The following ANKS1B variants were observed in gnomAD, a reference collection of about 807,000 sequenced individuals.
The protein encoded by ANKS1B is ankyrin repeat and sterile alpha motif domain-containing protein 1B.
Under a neutral mutation model 148.3 loss-of-function variants are expected in ANKS1B, and 36 were observed. The ratio of observed to expected loss-of-function variants is 0.24; its 90% confidence interval spans 0.19 to 0.32. The LOEUF (loss-of-function observed/expected upper bound fraction) is 0.32. Among genes scored for constraint, ANKS1B ranks in the 10% least tolerant of loss-of-function variants. The pLI is 1.00. For synonymous variants in ANKS1B, 542 were observed against 560.8 expected (o/e 0.97, Z 0.47); for missense variants, 1,157 against 1,542.6 (o/e 0.75, Z 4.19).
chr12:99,766,358 G>A (rs1190215076), intron 8 of ANKS1B, among the ~76,000 whole-genome samples: 1 of 152,080 alleles, frequency 6.6e-6, no homozygotes, highest in Non-Finnish European at 1.5e-5. Context: ...AAAAGCAAGT[G>A]TGCTAGAAGT....
At chr12:99,578,997 A>T (rs1287183791) in intron 9 of ANKS1B, among the ~76,000 whole-genome samples, 1 of 152,172 alleles carries the variant, frequency 6.6e-6, no homozygotes, top group African/African-American at 2.4e-5. Flanking sequence ...GTTCAAAAAC[A>T]TATACACAGA....
chr12:99,496,475 T>G (rs1222889063), intron 10 of ANKS1B, among the ~76,000 whole-genome samples: 1 of 152,222 alleles, frequency 6.6e-6, no homozygotes. Flanking sequence ...GATTCAATAG[T>G]GGTCGCATAA....
chr12:99,353,879 T>C (rs1246632760), intron 12 of ANKS1B, among the ~76,000 whole-genome samples: 1 of 152,042 alleles, frequency 6.6e-6, no homozygotes, highest in African/African-American at 2.4e-5. Context: ...CCTATCACTT[T>C]GAGCATTTAT....
intron 17 of ANKS1B, among the ~76,000 whole-genome samples, chr12:98,962,090 T>C (rs983791949): frequency 2.6e-5 from 4 of 151,132 alleles, no homozygotes; most frequent in Non-Finnish European, 4.4e-5. Context: ...GTAATAACAT[T>C]GAATGTAAAT....
intron 17 of ANKS1B, among the ~76,000 whole-genome samples, chr12:98,971,652 G>C (rs890181422): frequency 1.3e-5 from 2 of 152,144 alleles, no homozygotes; most frequent in Non-Finnish European, 2.9e-5. Context: ...ATACTTTGTA[G>C]ACAGAGGTGG....
intron 19 of ANKS1B, among the ~76,000 whole-genome samples, chr12:98,810,436 A>G (rs2099085854): frequency 6.6e-6 from 1 of 152,190 alleles, no homozygotes; most frequent in Non-Finnish European, 1.5e-5. Context: ...TGTTTAGCTA[A>G]TCTGTTCAGC....
chr12:99,208,916 C>A, intron 14 of ANKS1B, among the ~76,000 whole-genome samples: 1 of 152,086 alleles, frequency 6.6e-6, no homozygotes, highest in Non-Finnish European at 1.5e-5. Context: ...TTTACTTTTT[C>A]CTCTCTATTT....
At chr12:99,120,082 C>G (rs2062375807) in intron 15 of ANKS1B, among the ~76,000 whole-genome samples, 1 of 152,222 alleles carries the variant, frequency 6.6e-6, no homozygotes, top group African/African-American at 2.4e-5. Context: ...CAGGTGGGAA[C>G]GCACCCTGGA....
intron 17 of ANKS1B, among the ~76,000 whole-genome samples, chr12:99,052,644 C>T (rs1361624780): frequency 1.4e-5 from 2 of 144,238 alleles, no homozygotes; most frequent in Admixed American, 6.9e-5. Context: ...AGGAGAATGG[C>T]GTGAACCCGG....
At position 99,927,948 on chromosome 12, in the gene ANKS1B, T is replaced by C. The variant is rs1052789040; in HGVS notation, c.134+56156A>G. On this transcript the variant is annotated intron_variant, in intron 1 of 26. Coordinates refer to ENST00000683438, the MANE Select transcript of ANKS1B (RefSeq NM_001352186.2). ...TTTAAGGAAAACCATACAAATTTAC[T>C]AAATGAGGTTATCATTACCAAATAT... Among the ~76,000 whole-genome samples, 15 of 152,338 alleles carry C rather than the reference T, an allele frequency of 9.8e-5. 1 individual carries two copies. The highest frequency in any genetic ancestry group is 3.6e-4 in the African/African-American group (15 of 41,580).
chr12:98,957,450 C>T (rs1262565780), intron 17 of ANKS1B, among the ~76,000 whole-genome samples: 2 of 151,936 alleles, frequency 1.3e-5, no homozygotes, highest in African/African-American at 4.8e-5. Flanking sequence ...TGGGTTCACG[C>T]CATGCTCCTG....
chr12:99,147,326 G>C (rs2073473869), intron 15 of ANKS1B, among the ~76,000 whole-genome samples: 1 of 152,134 alleles, frequency 6.6e-6, no homozygotes, highest in East Asian at 1.9e-4. Context: ...AGAGACAGTA[G>C]CATGTGCAAA....
chr12:98,894,966 C>G, intron 17 of ANKS1B: 1 of 834,318 alleles, frequency 1.2e-6, no homozygotes, highest in Non-Finnish European at 1.4e-6. Flanking sequence ...CCCGGCTCCA[C>G]GCGGCGCGCG....
At chr12:99,648,300 T>A in intron 9 of ANKS1B, 1 of 1,614,196 alleles carries the variant, frequency 6.2e-7, no homozygotes, top group Non-Finnish European at 8.5e-7. Context: ...TATTCAGGTA[T>A]GCACCCATGT....
intron 16 of ANKS1B, among the ~76,000 whole-genome samples, chr12:99,068,433 T>A (rs2045198466): frequency 6.6e-6 from 1 of 152,148 alleles, no homozygotes; most frequent in African/African-American, 2.4e-5. Flanking sequence ...GTGATGGAAA[T>A]TTTTCAGCTC....
At chr12:99,622,185 T>G (rs1001269092) in intron 9 of ANKS1B, among the ~76,000 whole-genome samples, 36 of 152,002 alleles carry the variant, frequency 2.4e-4, no homozygotes, top group Admixed American at 2.0e-3. Context: ...AATCAAAAAA[T>G]TTTCCTGAAA....
intron 9 of ANKS1B, among the ~76,000 whole-genome samples, chr12:99,547,803 C>A (rs958273804): frequency 6.6e-6 from 1 of 152,066 alleles, no homozygotes; most frequent in African/African-American, 2.4e-5. Flanking sequence ...GTTTTATTTT[C>A]TTTTTCACAT....
At chr12:99,288,561 G>C (rs910293691) in intron 12 of ANKS1B, among the ~76,000 whole-genome samples, 5 of 152,094 alleles carry the variant, frequency 3.3e-5, no homozygotes, top group Non-Finnish European at 7.4e-5. Flanking sequence ...CCCATATCTT[G>C]AGTAGGAAGA....
At chr12:99,219,119 AC>A (rs1192215162) in intron 14 of ANKS1B, among the ~76,000 whole-genome samples, 2 of 152,196 alleles carry the variant, frequency 1.3e-5, no homozygotes, top group Non-Finnish European at 2.9e-5. Context: ...TAGATGAGTC[AC>A]CAATGAATAG....
Sources: allele counts gnomAD v4.1 joint callset (sites outside exome capture counted in the v4.1 genomes callset), GRCh38; gene constraint gnomAD v4.1.1; transcripts MANE v1.5; gene names NCBI Gene and HGNC (gene_info 2026-07-23, HGNC 2026-07-21).